The following LRFN5 variants were observed in gnomAD, a reference collection of about 807,000 sequenced individuals.
LRFN5 encodes leucine rich repeat and fibronectin type III domain containing 5.
In LRFN5, 24 loss-of-function variants were observed where a neutral mutation model predicts 45.6. The observed-to-expected ratio is 0.53, with a 90% CI of 0.38 to 0.74. The LOEUF (loss-of-function observed/expected upper bound fraction) is 0.74, where lower values mean the gene tolerates loss of function less well. LRFN5 is among the 30% of genes least tolerant of loss of function. The pLI, the probability that LRFN5 is intolerant of heterozygous loss-of-function variation, is 0.00. For missense variants in LRFN5, 776 were observed against 861.5 expected (o/e 0.90, Z 1.24); for synonymous variants, 340 against 313.8 (o/e 1.08, Z -0.88).
At chr14:41,850,542 C>T (rs1204881082) in intron 2 of LRFN5, among the ~76,000 whole-genome samples, 7 of 151,830 alleles carry the variant, frequency 4.6e-5, no homozygotes, top group African/African-American at 7.2e-5. Flanking sequence ...CTACATACCA[C>T]ACCAATGCAT....
At chr14:41,635,726 A>T (rs1275812865) in intron 1 of LRFN5, among the ~76,000 whole-genome samples, 1 of 152,136 alleles carries the variant, frequency 6.6e-6, no homozygotes, top group Non-Finnish European at 1.5e-5. Context: ...ACAACAGGTG[A>T]GGTCCAAATC....
intron 1 of LRFN5, among the ~76,000 whole-genome samples, chr14:41,685,137 A>G (rs564474360): frequency 6.6e-6 from 1 of 152,296 alleles, no homozygotes; most frequent in South Asian, 2.1e-4. Context: ...TTTTATCCAA[A>G]AGGCAATAAC....
At chr14:41,897,096 A>G in intron 4 of LRFN5, among the ~76,000 whole-genome samples, 1 of 136,172 alleles carries the variant, frequency 7.3e-6, no homozygotes, top group South Asian at 2.2e-4. Context: ...GTCAAAATAA[A>G]TAAATAAATA....
At chr14:41,893,346 T>A in intron 4 of LRFN5, 1 of 955,860 alleles carries the variant, frequency 1.0e-6, no homozygotes, top group African/African-American at 1.9e-5. Context: ...AATTTGATGG[T>A]GTTCTATTAA....
At chr14:41,732,818 T>A in intron 1 of LRFN5, among the ~76,000 whole-genome samples, 1 of 150,798 alleles carries the variant, frequency 6.6e-6, no homozygotes. Context: ...ACTCAAAGAA[T>A]TAAAGGAACA....
At chr14:41,819,347 T>A (rs1406537462) in intron 2 of LRFN5, among the ~76,000 whole-genome samples, 1 of 152,160 alleles carries the variant, frequency 6.6e-6, no homozygotes, top group Non-Finnish European at 1.5e-5. Context: ...TAACCAATAA[T>A]GTATAAGTGT....
chr14:41,815,474 GAATCTATAATCACA>G (rs992354434), intron 2 of LRFN5, among the ~76,000 whole-genome samples: 5 of 152,054 alleles, frequency 3.3e-5, no homozygotes, highest in Non-Finnish European at 7.4e-5. Flanking sequence ...TGGCTCACTG[GAATCTATAATCACA>G]GTGCTTTGGG....
intron 2 of LRFN5, among the ~76,000 whole-genome samples, chr14:41,837,948 A>T (rs995585021): frequency 1.3e-5 from 2 of 152,212 alleles, no homozygotes; most frequent in African/African-American, 4.8e-5. Context: ...GCTTATGAAC[A>T]TATACAACAT....
At chr14:41,876,460 T>C (rs1291647096) in intron 2 of LRFN5, among the ~76,000 whole-genome samples, 1 of 130,892 alleles carries the variant, frequency 7.6e-6, no homozygotes, top group Non-Finnish European at 1.7e-5. Context: ...TTTTTTTTTT[T>C]CTTTTTCTTG....
chr14:41,721,018 T>A (rs1458380826), intron 1 of LRFN5, among the ~76,000 whole-genome samples: 1 of 152,118 alleles, frequency 6.6e-6, no homozygotes, highest in Non-Finnish European at 1.5e-5. Context: ...GCTCTGTAAG[T>A]CTTTTCATAG....
At chr14:41,660,334 A>G (rs907582162) in intron 1 of LRFN5, among the ~76,000 whole-genome samples, 2 of 152,080 alleles carry the variant, frequency 1.3e-5, no homozygotes, top group African/African-American at 4.8e-5. Context: ...CCATATGACT[A>G]ACTCTTATAT....
chr14:41,762,401 A>G (rs972659480), intron 1 of LRFN5, among the ~76,000 whole-genome samples: 1 of 152,140 alleles, frequency 6.6e-6, no homozygotes, highest in Non-Finnish European at 1.5e-5. Context: ...ATGATCTTGG[A>G]TGTGTGTAAT....
chr14:41,807,330 T>C (rs909434482), intron 2 of LRFN5, among the ~76,000 whole-genome samples: 5 of 152,106 alleles, frequency 3.3e-5, no homozygotes, highest in African/African-American at 1.2e-4. Flanking sequence ...AGGGGACACA[T>C]TAAAGTATAG....
intron 1 of LRFN5, among the ~76,000 whole-genome samples, chr14:41,703,412 T>G (rs1384039473): frequency 6.6e-6 from 1 of 152,168 alleles, no homozygotes; most frequent in East Asian, 1.9e-4. Context: ...GTGACAACAT[T>G]TTGTCAGCTT....
intron 2 of LRFN5, among the ~76,000 whole-genome samples, chr14:41,837,489 A>C (rs532416613): frequency 6.6e-6 from 1 of 152,334 alleles, no homozygotes; most frequent in Non-Finnish European, 1.5e-5. Context: ...TTGTAGTATT[A>C]AAGTGTAAGA....
Position 41,887,954 on chromosome 14 carries a change from A to C in LRFN5, c.1329A>C (p.Gly443=), listed in dbSNP as rs1277139595. ...LKFNFQRNIP[G]IRMFQIQYNG... is the part of the protein sequence containing the mutation. Reference sequence around the variant, plus strand: ...TTAATTTTCAAAGAAATATCCCTGGAATACGTATGTTTCAAATCCAGTACA... The same window carrying C: ...TTAATTTTCAAAGAAATATCCCTGGCATACGTATGTTTCAAATCCAGTACA... The change falls in exon 3 of 6, where the codon GGA becomes GGC. Residue 443 remains glycine, a synonymous_variant. Transcript: ENST00000298119. This position sits in a 1 kb window ranked among gnomAD's most constrained non-coding sequence, Gnocchi z 4.8. 1.4e-5 allele frequency: 22 copies of C among 1,613,740 alleles called. No homozygotes were observed. In the Admixed American group the frequency reaches 1.7e-4, roughly 12 times the overall value.
intron 2 of LRFN5, among the ~76,000 whole-genome samples, chr14:41,857,570 C>T (rs550158743): frequency 1.1e-4 from 17 of 152,144 alleles, no homozygotes; most frequent in South Asian, 2.1e-4. Context: ...TGCAACTCAT[C>T]GTTTTATGTA....
intron 2 of LRFN5, among the ~76,000 whole-genome samples, chr14:41,816,997 AG>A (rs945374424): frequency 1.8e-5 from 2 of 113,938 alleles, no homozygotes; most frequent in African/African-American, 6.1e-5. Context: ...TAATGTGGGA[AG>A]TTTTTTTTTT....
chr14:41,810,726 TTCATCCCATTC>T (rs1176097274), intron 2 of LRFN5, among the ~76,000 whole-genome samples: 1 of 152,054 alleles, frequency 6.6e-6, no homozygotes, highest in Non-Finnish European at 1.5e-5. Context: ...GTAAGAATAT[TTCATCCCATTC>T]TCATCAGAAA....
Sources: gnomAD v4.1 joint callset for allele counts (sites outside exome capture counted in the v4.1 genomes callset) on GRCh38, gnomAD v4.1.1 for gene constraint, Gnocchi (gnomAD v3.1) non-coding constraint, MANE v1.5 for transcripts, NCBI Gene and HGNC (gene_info 2026-07-23, HGNC 2026-07-21) for gene names.